TTC28: variants seen among roughly 807,000 people sequenced by gnomAD.
TTC28 encodes the protein tetratricopeptide repeat protein 28.
TTC28 carries 61 observed loss-of-function variants against 198.0 expected under a neutral mutation model. The ratio of observed to expected loss-of-function variants is 0.31; its 90% CI spans 0.25 to 0.38. The LOEUF (loss-of-function observed/expected upper bound fraction) is 0.38. Ranked by LOEUF, TTC28 falls within the 10% of genes least tolerant of loss-of-function variation. TTC28 has a pLI of 1.00. For synonymous variants in TTC28, 1,171 were observed against 1,297.8 expected, an observed-to-expected ratio of 0.90 and a Z score of 2.10; for missense variants, 2,678 against 3,164.0, an observed-to-expected ratio of 0.85 and a Z score of 3.69.
At chr22:28,469,758 G>C (rs1451133537) in intron 2 of TTC28, among the ~76,000 whole-genome samples, 1 of 152,172 alleles carries the variant, frequency 6.6e-6, no homozygotes, top group East Asian at 1.9e-4. Context: ...CTTGATCTGA[G>C]CCTAGTGAAA....
chr22:28,286,026 A>G (rs886708989), intron 5 of TTC28, among the ~76,000 whole-genome samples: 1 of 151,816 alleles, frequency 6.6e-6, no homozygotes, highest in Non-Finnish European at 1.5e-5. Flanking sequence ...TTGAGACAGA[A>G]TCTCACTCTG....
chr22:28,328,796 AATAAT>A (rs747545623), intron 2 of TTC28, among the ~76,000 whole-genome samples: 13,164 of 139,720 alleles, frequency 0.094, 748 homozygotes, highest in African/African-American at 0.13. Flanking sequence ...TAATAATAAT[AATAAT>A]AATATGTTCT....
intron 2 of TTC28, among the ~76,000 whole-genome samples, chr22:28,400,284 C>T (rs867844219): frequency 6.6e-6 from 1 of 152,242 alleles, no homozygotes; most frequent in South Asian, 2.1e-4. Context: ...CAGGTATGAT[C>T]TGTCTTCTTC....
intron 2 of TTC28, among the ~76,000 whole-genome samples, chr22:28,450,554 A>T (rs976983737): frequency 2.6e-5 from 4 of 152,200 alleles, no homozygotes; most frequent in Non-Finnish European, 5.9e-5. Context: ...AATATATCCC[A>T]TACGTATGAT....
At chr22:28,166,953 G>A (rs770837393) in intron 5 of TTC28, among the ~76,000 whole-genome samples, 46 of 151,780 alleles carry the variant, frequency 3.0e-4, no homozygotes, top group Non-Finnish European at 5.9e-4. Flanking sequence ...AAAGAGAGAA[G>A]AATCAAATAG....
chr22:28,547,325 T>G (rs1186617176), intron 2 of TTC28, among the ~76,000 whole-genome samples: 2 of 152,128 alleles, frequency 1.3e-5, no homozygotes, highest in African/African-American at 4.8e-5. Context: ...CCAAAGTTTT[T>G]CCCTGCACAA....
chr22:28,144,388 T>A (rs1380127862), intron 6 of TTC28, among the ~76,000 whole-genome samples: 1 of 152,240 alleles, frequency 6.6e-6, no homozygotes, highest in Non-Finnish European at 1.5e-5. Context: ...TGGAAAGCTA[T>A]CAGGTATACC....
intron 2 of TTC28, among the ~76,000 whole-genome samples, chr22:28,397,134 G>T (rs980656935): frequency 1.3e-5 from 2 of 151,854 alleles, no homozygotes; most frequent in African/African-American, 4.8e-5. Context: ...TGGCGATAAA[G>T]TTAAAAAGAA....
intron 2 of TTC28, among the ~76,000 whole-genome samples, chr22:28,610,736 G>A (rs1349195949): frequency 6.6e-6 from 1 of 152,172 alleles, no homozygotes; most frequent in Non-Finnish European, 1.5e-5. Context: ...CAAATTGACA[G>A]AAGTAGGCTT....
chr22:28,101,328 C>T (rs1421020380), intron 8 of TTC28, 48 bp from the exon 9 acceptor site: 2 of 1,448,308 alleles, frequency 1.4e-6, no homozygotes, highest in African/African-American at 1.4e-5. Flanking sequence ...ATGGATAATT[C>T]CACTATCCTA....
At chr22:28,186,117 A>G (rs969808974) in intron 5 of TTC28, among the ~76,000 whole-genome samples, 3 of 152,210 alleles carry the variant, frequency 2.0e-5, no homozygotes, top group Non-Finnish European at 4.4e-5. Flanking sequence ...CAAAATGGAT[A>G]TAGACTTAGA....
intron 6 of TTC28, among the ~76,000 whole-genome samples, chr22:28,119,613 A>T (rs768194942): frequency 6.6e-6 from 1 of 152,190 alleles, no homozygotes; most frequent in African/African-American, 2.4e-5. Context: ...GGTTGTCAAA[A>T]TATCTGGGAG....
At chr22:28,225,649 A>G (rs1349472376) in intron 5 of TTC28, among the ~76,000 whole-genome samples, 2 of 152,224 alleles carry the variant, frequency 1.3e-5, no homozygotes, top group African/African-American at 4.8e-5. Context: ...AATAAATAAC[A>G]TATATTGAAG....
At chr22:28,595,753 A>G (rs935230573) in intron 2 of TTC28, among the ~76,000 whole-genome samples, 1 of 152,134 alleles carries the variant, frequency 6.6e-6, no homozygotes, top group African/African-American at 2.4e-5. Flanking sequence ...GTGAAACCCC[A>G]TCTCTACTAA....
At chr22:28,650,266 T>G (rs2146260169) in intron 1 of TTC28, among the ~76,000 whole-genome samples, 1 of 152,224 alleles carries the variant, frequency 6.6e-6, no homozygotes, top group South Asian at 2.1e-4. Flanking sequence ...TTGATCACCC[T>G]TCCATTTGGA....
Position 28,246,442 on chromosome 22 carries a change from CTG to C in TTC28, c.933+49754_933+49755del, listed in dbSNP as rs1454418799. ...AGGCTTTTTTCTGGTCTATAACACT[CTG>C]TGATTCTTTGAGAAGCTAATCTTAA... On this transcript the variant is annotated intron_variant, in intron 5 of 22. Transcript: ENST00000397906. Among the ~76,000 whole-genome samples, 7 of 152,150 alleles carry C rather than the reference CTG, an allele frequency of 4.6e-5. No individual in the cohort carries two copies. The East Asian group carries it at 1.2e-3, about 25-fold the overall frequency.
At chr22:28,291,837 G>A (rs1440506712) in intron 5 of TTC28, among the ~76,000 whole-genome samples, 2 of 152,088 alleles carry the variant, frequency 1.3e-5, no homozygotes, top group African/African-American at 4.8e-5. Context: ...TTATGAGAAA[G>A]TCATAAGAAT....
chr22:28,009,098 TG>T (rs1177768144), intron 14 of TTC28, among the ~76,000 whole-genome samples: 2 of 152,260 alleles, frequency 1.3e-5, no homozygotes, highest in Non-Finnish European at 2.9e-5. Flanking sequence ...TGTTTGATGA[TG>T]GCTCATGTGC....
intron 5 of TTC28, among the ~76,000 whole-genome samples, chr22:28,223,925 T>C (rs1371381469): frequency 6.6e-6 from 1 of 152,234 alleles, no homozygotes; most frequent in Admixed American, 6.5e-5. Flanking sequence ...GACTAATATT[T>C]GTACAGACTA....
Sources: gnomAD v4.1 joint callset for allele counts (sites outside exome capture counted in the v4.1 genomes callset) on GRCh38, gnomAD v4.1.1 for gene constraint, MANE v1.5 for transcripts, NCBI Gene and HGNC (gene_info 2026-07-23, HGNC 2026-07-21) for gene names.